Variants in CARS2 observed in about 807,000 individuals in gnomAD.
The protein encoded by CARS2 is cysteinyl-tRNA synthetase 2, mitochondrial.
CARS2 carries 52 observed loss-of-function variants against 68.8 expected under a neutral mutation model. The ratio of observed to expected loss-of-function variants is 0.76; its 90% CI spans 0.61 to 0.95. CARS2 has a LOEUF of 0.95. Ranked by LOEUF, CARS2 falls within the 40% of genes least tolerant of loss-of-function variation. CARS2 has a pLI of 0.00. For synonymous variants in CARS2, 314 were observed against 303.6 expected (o/e 1.03, Z -0.36); for missense variants, 780 against 754.2 (o/e 1.03, Z -0.40).
At chr13:110,667,040 A>T in intron 8 of CARS2, 1 of 785,854 alleles carries the variant, frequency 1.3e-6, no homozygotes, top group Non-Finnish European at 1.5e-6. Context: ...GTTCATAATT[A>T]TCGTTACATT....
chr13:110,693,517 G>A (rs936594998), intron 3 of CARS2, among the ~76,000 whole-genome samples: 2 of 151,962 alleles, frequency 1.3e-5, no homozygotes, highest in African/African-American at 4.8e-5. Context: ...CCGCCACCAC[G>A]CCCGGCTAAT....
rs1315647375 is a variant in CARS2, at chr13:110,670,370, G to T, written c.786-2897C>A. ...TCTGAGACGAAGCTTCCAGAGGAAG[G>T]ATCATGCAGCAACATTTGCCGTTCT... On this transcript the variant is annotated intron_variant, in intron 7 of 14. Transcript: ENST00000257347. The surrounding 1 kb of genome is among the most constrained non-coding windows in gnomAD (Gnocchi z 4.1). Among the ~76,000 whole-genome samples the T allele has an allele frequency of 6.6e-6, 1 of 152,168 alleles. No individual in the cohort carries two copies. Among genetic ancestry groups the T allele is most frequent in the African/African-American group, 2.4e-5 (1 of 41,430 alleles).
intron 5 of CARS2, among the ~76,000 whole-genome samples, chr13:110,683,773 T>C (rs928416177): frequency 2.6e-5 from 4 of 152,180 alleles, no homozygotes; most frequent in Admixed American, 6.5e-5. Flanking sequence ...TCCCAGCACT[T>C]TGGGAGTCCG....
rs778494985 is a variant in CARS2, at chr13:110,651,014, T to G, written c.1054+20A>C. The G allele has an allele frequency of 1.9e-6, 3 of 1,596,888 alleles. No individual in the cohort carries two copies. The East Asian group carries it at 6.7e-5, about 36-fold the overall frequency. Reference sequence around the variant, plus strand: ...TCTCCGAGCTGGGGGGGGAGTCCACTCCACGTGTGCTCGGCTCACCTGAGC... The same window carrying G: ...TCTCCGAGCTGGGGGGGGAGTCCACGCCACGTGTGCTCGGCTCACCTGAGC... On this transcript the variant is annotated intron_variant, in intron 10 of 14. Transcript: ENST00000257347.
At chr13:110,713,174 A>G in exon 1 of CARS2, 2 of 1,427,768 alleles carry the variant, frequency 1.4e-6, no homozygotes, top group Non-Finnish European at 1.8e-6. Flanking sequence ...TTGGGCTGTC[A>G]AAGTGATGTT....
intron 3 of CARS2, among the ~76,000 whole-genome samples, chr13:110,692,216 T>A (rs1295300386): frequency 6.6e-6 from 1 of 151,840 alleles, no homozygotes; most frequent in Non-Finnish European, 1.5e-5. Context: ...ACACCTGTAA[T>A]CCCAGCACTT....
rs1357576061 is a variant in CARS2, at chr13:110,653,895, T to C, written c.988-2795A>G. 6.6e-6 allele frequency among the ~76,000 whole-genome samples: 1 copy of C among 152,206 alleles called. No homozygotes were observed. The highest frequency in any genetic ancestry group is 6.5e-5 in the Admixed American group (1 of 15,288). ...TGTTCCTGCTCTGTGCCGGCTGATATCAGCAAGTTTCTATACTACTCCGGT... is the reference window on the plus strand; with the variant it reads ...TGTTCCTGCTCTGTGCCGGCTGATACCAGCAAGTTTCTATACTACTCCGGT... On this transcript the variant is annotated intron_variant, in intron 9 of 14. Coordinates refer to ENST00000257347, the MANE Select transcript of CARS2 (RefSeq NM_024537.4). This position sits in a 1 kb window ranked among gnomAD's most constrained non-coding sequence, Gnocchi z 5.6.
chr13:110,675,782 G>T (rs548117316), intron 7 of CARS2, among the ~76,000 whole-genome samples: 4 of 152,154 alleles, frequency 2.6e-5, no homozygotes, highest in African/African-American at 9.7e-5. Context: ...ACACTGAAAC[G>T]CTAGGAACAG....
chr13:110,682,764 G>GA (rs1251036874), intron 6 of CARS2, among the ~76,000 whole-genome samples: 3 of 152,284 alleles, frequency 2.0e-5, no homozygotes, highest in African/African-American at 4.8e-5. Context: ...CATGTGCGCT[G>GA]AAAACCCTGG....
chr13:110,683,060 C>CCT lies in CARS2; in HGVS notation c.645_646insAG (p.Gly216ArgfsTer62). Reference sequence around the variant, plus strand: ...AGCCCGGCCAACCCACCTGGCTCTCCGACTGGACCAGGGACCACGCCGACC... The same window carrying CCT: ...AGCCCGGCCAACCCACCTGGCTCTCCCTGACTGGACCAGGGACCACGCCGACC... On this transcript the variant is annotated frameshift_variant, in exon 6 of 15. Coordinates refer to ENST00000257347, the MANE Select transcript of CARS2 (RefSeq NM_024537.4). LOFTEE classifies it high-confidence loss of function. The CCT allele has an allele frequency of 6.2e-7, 1 of 1,600,526 alleles. No homozygotes were observed. Among genetic ancestry groups the CCT allele is most frequent in the Non-Finnish European group, 8.5e-7 (1 of 1,175,376 alleles).
intron 2 of CARS2, among the ~76,000 whole-genome samples, chr13:110,703,207 A>G (rs9301475): frequency 0.12 from 18,218 of 152,214 alleles, 1,751 homozygotes; most frequent in African/African-American, 0.26. Context: ...AGTGCTACCC[A>G]TTGCTCAAAT....
intron 12 of CARS2, chr13:110,644,713 G>A: frequency 1.6e-6 from 1 of 623,704 alleles, no homozygotes; most frequent in East Asian, 3.3e-5. Flanking sequence ...CAGTCATGTG[G>A]GTGGTGACTA....
chr13:110,695,775 CT>C (rs59287460), intron 3 of CARS2, among the ~76,000 whole-genome samples: 221 of 144,080 alleles, frequency 1.5e-3, no homozygotes, highest in Non-Finnish European at 1.6e-3. Flanking sequence ...AAAGAATTAC[CT>C]TTTTTTTTTT....
intron 8 of CARS2, chr13:110,664,488 G>T: frequency 1.6e-6 from 1 of 607,362 alleles, no homozygotes; most frequent in Non-Finnish European, 2.1e-6. Context: ...CTGCACTCCA[G>T]CCTGGGCCAC....
At chr13:110,666,822 A>G (rs1435602221) in intron 8 of CARS2, 6 of 985,332 alleles carry the variant, frequency 6.1e-6, no homozygotes, top group Non-Finnish European at 7.2e-6. Flanking sequence ...GTGACCCTGT[A>G]AACTTGGAAA....
intron 2 of CARS2, among the ~76,000 whole-genome samples, chr13:110,701,935 T>C (rs992326784): frequency 6.6e-6 from 1 of 152,216 alleles, no homozygotes. Flanking sequence ...TTTTTCACTA[T>C]GACAAAACAG....
chr13:110,699,177 G>GCCTCC (rs1425699970), intron 3 of CARS2, among the ~76,000 whole-genome samples: 6 of 152,200 alleles, frequency 3.9e-5, no homozygotes, highest in African/African-American at 1.4e-4. Context: ...CCAGCATAGT[G>GCCTCC]AGCAAATACG....
intron 9 of CARS2, chr13:110,663,065 C>G (rs1566674748): frequency 2.1e-6 from 1 of 466,624 alleles, no homozygotes; most frequent in Non-Finnish European, 4.3e-6. Flanking sequence ...TAAGGGCAAA[C>G]AGCAAAACCT....
At chr13:110,641,701 C>G in intron 14 of CARS2, 93 bp from the exon 15 acceptor site, 1 of 982,588 alleles carries the variant, frequency 1.0e-6, no homozygotes, top group Non-Finnish European at 1.6e-6. Flanking sequence ...GGTGCCTGTT[C>G]CCTCACCGGC....
Sources: gnomAD v4.1 joint callset for allele counts (sites outside exome capture counted in the v4.1 genomes callset) on GRCh38, gnomAD v4.1.1 for gene constraint, Gnocchi (gnomAD v3.1) non-coding constraint, MANE v1.5 for transcripts, NCBI Gene and HGNC (gene_info 2026-07-23, HGNC 2026-07-21) for gene names.